The following P4HB variants were observed in gnomAD, a reference collection of about 807,000 sequenced individuals.
P4HB encodes protein disulfide-isomerase.
In P4HB, 20 loss-of-function variants were observed where a neutral mutation model predicts 52.6. The observed-to-expected ratio is 0.38, with a 90% confidence interval of 0.27 to 0.55. The LOEUF is 0.55. P4HB is among the 20% of genes least tolerant of loss of function. The probability of loss-of-function intolerance (pLI) is 0.74; values close to 1 mark genes in which losing one functional copy is unlikely to be tolerated. For synonymous variants in P4HB, 296 were observed against 277.9 expected, an observed-to-expected ratio of 1.07 and a Z score of -0.65; for missense variants, 601 against 669.2, an observed-to-expected ratio of 0.90 and a Z score of 1.12.
In P4HB at chr17:81,859,210, C is replaced by G; in HGVS notation, c.323G>C (p.Gly108Ala). ...ATATTCCTTGGGGGAAGCCGTGTCT[C>G]CATTCCTGAAGAACTTGATGGTGGG... ...GYPTIKFFRN[G>A]DTASPKEYTA... Residue 108 changes from glycine (G) to alanine (A), a missense_variant, in exon 2 of 11, where the codon GGA becomes GCA. Gly to Ala is a moderately conservative substitution (Grantham distance 60). Transcript: ENST00000331483. The G allele has an allele frequency of 6.2e-7, 1 of 1,613,972 alleles. No homozygotes were observed. Among genetic ancestry groups the G allele is most frequent in the South Asian group, 1.1e-5 (1 of 91,088 alleles).
At chr17:81,853,482 G>A (rs1357692120) in intron 4 of P4HB, among the ~76,000 whole-genome samples, 2 of 151,718 alleles carry the variant, frequency 1.3e-5, no homozygotes, top group Middle Eastern at 3.4e-3. Context: ...GCTGAGGCAG[G>A]AGAATGGCGT....
chr17:81,847,075 G>T lies in P4HB; in HGVS notation c.730-3C>A. The T allele has an allele frequency of 1.9e-6, 3 of 1,614,000 alleles. No individual in the cohort carries two copies. The highest frequency in any genetic ancestry group is 2.5e-6 in the Non-Finnish European group (3 of 1,179,998). ...CCTCCAAAAATCTTCGGGGCTGTCT[G>T]TGTTATAAACTTAAGTTACTGGGTC... On this transcript the variant is annotated splice_region_variant and splice_polypyrimidine_tract_variant and intron_variant, in intron 5 of 10. Coordinates refer to ENST00000331483, the MANE Select transcript of P4HB (RefSeq NM_000918.4).
At chr17:81,847,624 G>A in intron 4 of P4HB, 1 of 498,474 alleles carries the variant, frequency 2.0e-6, no homozygotes, top group South Asian at 2.3e-5. Context: ...CTTGAAGTGT[G>A]GCCCATCCCC....
intron 2 of P4HB, among the ~76,000 whole-genome samples, chr17:81,857,358 A>G (rs1338267928): frequency 6.6e-6 from 1 of 152,050 alleles, no homozygotes; most frequent in African/African-American, 2.4e-5. Flanking sequence ...CATATTGGCC[A>G]TGCTGGCCTC....
At chr17:81,850,060 C>A (rs889669667) in intron 4 of P4HB, among the ~76,000 whole-genome samples, 2 of 150,136 alleles carry the variant, frequency 1.3e-5, no homozygotes, top group Non-Finnish European at 3.0e-5. Flanking sequence ...ACTCCTGACC[C>A]CAGGTGATCC....
chr17:81,847,468 G>A (rs974727502), intron 4 of P4HB, 121 bp from the exon 5 acceptor site: 14 of 783,320 alleles, frequency 1.8e-5, no homozygotes, highest in East Asian at 5.0e-5. Flanking sequence ...GTGGGGTTTC[G>A]AGCCACAGGT....
At chr17:81,854,703 A>C (rs2038885839) in intron 4 of P4HB, among the ~76,000 whole-genome samples, 1 of 150,614 alleles carries the variant, frequency 6.6e-6, no homozygotes, top group Admixed American at 6.6e-5. Context: ...TTAGCTGGGC[A>C]TGGTAGTGCA....
chr17:81,847,437 A>G, intron 4 of P4HB, 90 bp from the exon 5 acceptor site: 1 of 1,074,590 alleles, frequency 9.3e-7, no homozygotes, highest in Middle Eastern at 2.1e-4. Flanking sequence ...AAGTCACAGC[A>G]GCCAGCAGCC....
chr17:81,845,815 T>G (rs1486118008), intron 8 of P4HB, 56 bp downstream of exon 8: 3 of 1,613,536 alleles, frequency 1.9e-6, no homozygotes, highest in Non-Finnish European at 2.5e-6. Context: ...GGAGTCTGCC[T>G]ACCTTGCGCG....
chr17:81,843,950 C>A lies in P4HB; in HGVS notation c.*62G>T. The A allele has an allele frequency of 8.1e-7, 1 of 1,227,610 alleles. No individual in the cohort carries two copies. The highest frequency in any genetic ancestry group is 1.2e-6 in the Non-Finnish European group (1 of 829,252). The allele number at this position is 1,227,610 out of a possible 1,614,324, so 76.0% of individuals were successfully genotyped here. A position where few individuals can be genotyped will look rare whatever the true frequency, so the allele number is the denominator to read the frequency against. ...CGAGGCCGCAGGCTTCGGAGGCGTG[C>A]GCTGCTGCTGGGTGTGCAGCCCCCG... On this transcript the variant is annotated 3_prime_UTR_variant, in exon 11 of 11. Coordinates refer to ENST00000331483, the MANE Select transcript of P4HB (RefSeq NM_000918.4).
intron 2 of P4HB, 70 bp downstream of exon 2, chr17:81,859,111 C>A: frequency 4.9e-6 from 7 of 1,424,910 alleles, no homozygotes; most frequent in Non-Finnish European, 5.9e-6. Context: ...CAGACAGCTG[C>A]CCCTGCCCTT....
In P4HB at chr17:81,843,991, G is replaced by C; in HGVS notation, c.*21C>G. The C allele has an allele frequency of 6.3e-7, 1 of 1,588,976 alleles. No individual in the cohort carries two copies. Among genetic ancestry groups the C allele is most frequent in the Non-Finnish European group, 8.6e-7 (1 of 1,157,442 alleles). Reference sequence around the variant, plus strand: ...GCAGCCCCCGAGGGGTCTCGGCAGCGCCCGGGTCTGGCTTTGCGTATTACA... The same window carrying C: ...GCAGCCCCCGAGGGGTCTCGGCAGCCCCCGGGTCTGGCTTTGCGTATTACA... On this transcript the variant is annotated 3_prime_UTR_variant, in exon 11 of 11. Coordinates refer to ENST00000331483, the MANE Select transcript of P4HB (RefSeq NM_000918.4).
At position 81,846,680 on chromosome 17, in the gene P4HB, C is replaced by T. The variant is rs1263516070; in HGVS notation, c.856-51G>A. On this transcript the variant is annotated intron_variant, in intron 6 of 10. Coordinates refer to ENST00000331483, the MANE Select transcript of P4HB (RefSeq NM_000918.4). The surrounding 1 kb of genome is among the most constrained non-coding windows in gnomAD (Gnocchi z 5.7). ...GGTGCGGGAGACGGCTGGCCTCTGCCTCCAGCCCTGACTTTGCTCGGAAGC... is the reference window on the plus strand; with the variant it reads ...GGTGCGGGAGACGGCTGGCCTCTGCTTCCAGCCCTGACTTTGCTCGGAAGC... The T allele has an allele frequency of 6.4e-7, 1 of 1,552,726 alleles. No homozygotes were observed. The highest frequency in any genetic ancestry group is 8.8e-7 in the Non-Finnish European group (1 of 1,131,240).
Position 81,846,637 on chromosome 17 carries a change from A to G in P4HB, c.856-8T>C. On this transcript the variant is annotated splice_polypyrimidine_tract_variant and splice_region_variant and intron_variant, in intron 6 of 10. Coordinates refer to ENST00000331483, the MANE Select transcript of P4HB (RefSeq NM_000918.4). This position sits in a 1 kb window ranked among gnomAD's most constrained non-coding sequence, Gnocchi z 5.7. ...GATGAAGATGAACAGGATCTGGGGGAGAAAAGGAGGTTGCACAGGTGCGGG... is the reference window on the plus strand; with the variant it reads ...GATGAAGATGAACAGGATCTGGGGGGGAAAAGGAGGTTGCACAGGTGCGGG... 1 of 1,613,014 alleles carries G rather than the reference A, an allele frequency of 6.2e-7. No homozygotes were observed. Among genetic ancestry groups the G allele is most frequent in the South Asian group, 1.1e-5 (1 of 91,050 alleles).
At position 81,859,161 on chromosome 17, in the gene P4HB, G is replaced by A. The variant is rs756426419; in HGVS notation, c.352+20C>T. On this transcript the variant is annotated intron_variant, in intron 2 of 10. Coordinates refer to ENST00000331483, the MANE Select transcript of P4HB (RefSeq NM_000918.4). The stretch of plus-strand genomic sequence containing the variant: ...CAGTCCCTCTCTAAAGACAGTTCAA[G>A]GGCAGTGCCACAGCCACACCTGTAT... 39 of 1,608,038 alleles carry A rather than the reference G, an allele frequency of 2.4e-5. No homozygotes were observed. Among genetic ancestry groups the A allele is most frequent in the South Asian group, 4.4e-5 (4 of 90,962 alleles).
Position 81,849,533 on chromosome 17 carries a change from G to A in P4HB, c.625-2186C>T, listed in dbSNP as rs1053771099. Among the ~76,000 whole-genome samples, 9 of 152,080 alleles carry A rather than the reference G, an allele frequency of 5.9e-5. No homozygotes were observed. In the South Asian group the frequency reaches 6.2e-4, roughly 11 times the overall value. On this transcript the variant is annotated intron_variant, in intron 4 of 10. Coordinates refer to ENST00000331483, the MANE Select transcript of P4HB (RefSeq NM_000918.4). ...TAAAAATAAATAGAGAGAAAAAAAC[G>A]ATTTTTTACATTCTTAGTTCTAGTT...
At chr17:81,859,895 G>A (rs1277628680) in intron 1 of P4HB, 2 of 179,908 alleles carry the variant, frequency 1.1e-5, no homozygotes, top group Non-Finnish European at 2.3e-5. Context: ...CCCAGGGACA[G>A]AGCTCAAATC....
intron 2 of P4HB, chr17:81,858,965 A>G (rs2038956762): frequency 3.5e-6 from 2 of 571,492 alleles, no homozygotes; most frequent in African/African-American, 1.9e-5. Flanking sequence ...ATGGCACCAG[A>G]CAAGACAGGT....
intron 1 of P4HB, chr17:81,859,867 C>T (rs1208242760): frequency 5.5e-6 from 1 of 181,928 alleles, no homozygotes; most frequent in Non-Finnish European, 1.2e-5. Flanking sequence ...GCAGCTGTGT[C>T]AGGCACAAGG....
Sources: allele counts gnomAD v4.1 joint callset (sites outside exome capture counted in the v4.1 genomes callset), GRCh38; gene constraint gnomAD v4.1.1; non-coding constraint Gnocchi (gnomAD v3.1); transcripts MANE v1.5; gene names NCBI Gene and HGNC (gene_info 2026-07-23, HGNC 2026-07-21).